The following STK39 variants were observed in gnomAD, a reference collection of about 807,000 sequenced individuals.
STK39 encodes STE20/SPS1-related proline-alanine-rich protein kinase.
STK39 carries 20 observed loss-of-function variants against 77.8 expected under a neutral mutation model. The observed-to-expected ratio is 0.26, with a 90% CI of 0.18 to 0.37. The LOEUF is 0.37. Ranked by LOEUF, STK39 falls within the 10% of genes least tolerant of loss-of-function variation. STK39 has a pLI of 1.00. For synonymous variants in STK39, 246 were observed against 234.1 expected, an observed-to-expected ratio of 1.05 and a Z score of -0.47; for missense variants, 479 against 656.5, an observed-to-expected ratio of 0.73 and a Z score of 2.95.
intron 1 of STK39, among the ~76,000 whole-genome samples, chr2:168,245,010 C>CA (rs1332334769): frequency 6.6e-6 from 1 of 152,138 alleles, no homozygotes; most frequent in African/African-American, 2.4e-5. Flanking sequence ...TTTCAAAAGG[C>CA]AACGTTTGTA....
At chr2:168,143,848 T>C (rs1688060650) in intron 5 of STK39, among the ~76,000 whole-genome samples, 1 of 152,224 alleles carries the variant, frequency 6.6e-6, no homozygotes, top group Non-Finnish European at 1.5e-5. Context: ...ACTTACTTTT[T>C]ATTCCCTGAT....
At chr2:168,247,207 C>CG (rs2045777228) in intron 1 of STK39, 21 bp downstream of exon 1, 7 of 1,195,502 alleles carry the variant, frequency 5.9e-6, no homozygotes, top group Non-Finnish European at 5.2e-6. Context: ...GTGCCGGCCC[C>CG]GCCGCGCCCG....
intron 14 of STK39, among the ~76,000 whole-genome samples, chr2:168,056,344 G>A (rs975139172): frequency 5.9e-5 from 9 of 151,996 alleles, no homozygotes; most frequent in Non-Finnish European, 1.3e-4. Flanking sequence ...CCGGGGGGAG[G>A]GGGAGGGGCG....
intron 16 of STK39, among the ~76,000 whole-genome samples, chr2:167,991,932 G>T (rs1189709990): frequency 2.6e-4 from 40 of 152,196 alleles, no homozygotes; most frequent in Non-Finnish European, 5.6e-4. Flanking sequence ...TCTTTAAAAA[G>T]CTGTAGAGCC....
intron 17 of STK39, among the ~76,000 whole-genome samples, chr2:167,963,744 A>T (rs2105529482): frequency 6.6e-6 from 1 of 152,350 alleles, no homozygotes; most frequent in East Asian, 1.9e-4. Context: ...AGCAAGACCC[A>T]GGAAGTTAAT....
At chr2:168,210,873 CTT>C (rs1335446326) in intron 1 of STK39, among the ~76,000 whole-genome samples, 1 of 152,094 alleles carries the variant, frequency 6.6e-6, no homozygotes, top group African/African-American at 2.4e-5. Flanking sequence ...TTAATCTCCT[CTT>C]TGTTTTCAGC....
At chr2:168,193,307 C>A (rs865803076) in intron 1 of STK39, among the ~76,000 whole-genome samples, 3 of 152,194 alleles carry the variant, frequency 2.0e-5, no homozygotes, top group Non-Finnish European at 2.9e-5. Flanking sequence ...CTTCCCCCCC[C>A]TCTTCACACA....
At chr2:168,077,391 C>T (rs1686108114) in intron 10 of STK39, among the ~76,000 whole-genome samples, 1 of 152,118 alleles carries the variant, frequency 6.6e-6, no homozygotes, top group Non-Finnish European at 1.5e-5. Context: ...CCATTTTCTC[C>T]CATTTTTATT....
rs1277395867 is a variant in STK39, at chr2:168,095,680, G to A, written c.1090-20449C>T. Reference sequence around the variant, plus strand: ...CTTGCTCTGTCGCCCAGGCTGGAGTGCAGTGGCGCGATCTCAGCTCACTGC... The same window carrying A: ...CTTGCTCTGTCGCCCAGGCTGGAGTACAGTGGCGCGATCTCAGCTCACTGC... On this transcript the variant is annotated intron_variant, in intron 10 of 17. Transcript: ENST00000355999. Among the ~76,000 whole-genome samples the A allele has an allele frequency of 2.1e-5, 3 of 141,692 alleles. No individual in the cohort carries two copies. The Admixed American group carries it at 2.2e-4, about 11-fold the overall frequency. The allele number at this position is 141,692 out of a possible 152,430, so 93.0% of individuals were successfully genotyped here. A position where few individuals can be genotyped will look rare whatever the true frequency, so the allele number is the denominator to read the frequency against.
intron 10 of STK39, among the ~76,000 whole-genome samples, chr2:168,093,172 T>A (rs1686571011): frequency 6.6e-6 from 1 of 152,222 alleles, no homozygotes; most frequent in Non-Finnish European, 1.5e-5. Flanking sequence ...AGCTTTTCCA[T>A]AAAGCTCTCC....
At chr2:168,102,929 C>CAA (rs35442749) in intron 10 of STK39, among the ~76,000 whole-genome samples, 613 of 50,028 alleles carry the variant, frequency 0.012, 31 homozygotes, top group African/African-American at 0.034. Flanking sequence ...GAATCCGTCT[C>CAA]AAAAAAAAAA....
intron 16 of STK39, among the ~76,000 whole-genome samples, chr2:167,970,525 T>C (rs1178908656): frequency 6.6e-6 from 1 of 152,218 alleles, no homozygotes; most frequent in Admixed American, 6.5e-5. Flanking sequence ...GAACCCCAAA[T>C]TGAGACTCTC....
chr2:168,102,369 G>A (rs2105453242), intron 10 of STK39, among the ~76,000 whole-genome samples: 1 of 152,182 alleles, frequency 6.6e-6, no homozygotes, highest in African/African-American at 2.4e-5. Context: ...GTAGTATCCT[G>A]TTGTGATTTT....
chr2:168,096,611 C>T (rs1686673793), intron 10 of STK39, among the ~76,000 whole-genome samples: 1 of 152,176 alleles, frequency 6.6e-6, no homozygotes, highest in African/African-American at 2.4e-5. Context: ...TAAGAACCTG[C>T]TGTGGACCTA....
chr2:168,199,866 T>C (rs373817876), intron 1 of STK39, among the ~76,000 whole-genome samples: 6 of 152,268 alleles, frequency 3.9e-5, no homozygotes, highest in East Asian at 1.9e-4. Flanking sequence ...AAGGCTTACA[T>C]TGAAAAAAGA....
intron 1 of STK39, among the ~76,000 whole-genome samples, chr2:168,184,667 T>C (rs971627140): frequency 6.6e-6 from 1 of 152,194 alleles, no homozygotes; most frequent in Non-Finnish European, 1.5e-5. Flanking sequence ...ACCAGGTTGG[T>C]GTTTTTTCAA....
intron 1 of STK39, among the ~76,000 whole-genome samples, chr2:168,199,639 C>T (rs1689563167): frequency 6.6e-6 from 1 of 151,714 alleles, no homozygotes; most frequent in Non-Finnish European, 1.5e-5. Flanking sequence ...GCGATTCTGC[C>T]GAGTAGCTGG....
At chr2:168,234,159 T>C (rs972502031) in intron 1 of STK39, among the ~76,000 whole-genome samples, 6 of 152,356 alleles carry the variant, frequency 3.9e-5, no homozygotes, top group African/African-American at 1.4e-4. Flanking sequence ...GGCCTCACAC[T>C]ACTTACAGCC....
intron 9 of STK39, 23 bp from the exon 10 acceptor site, chr2:168,129,629 A>C (rs199610958): frequency 2.4e-5 from 38 of 1,613,926 alleles, no homozygotes; most frequent in Non-Finnish European, 3.1e-5. Flanking sequence ...TATTCCCAAC[A>C]GTTTAACATC....
Sources: allele counts gnomAD v4.1 joint callset (sites outside exome capture counted in the v4.1 genomes callset), GRCh38; gene constraint gnomAD v4.1.1; transcripts MANE v1.5; gene names NCBI Gene and HGNC (gene_info 2026-07-23, HGNC 2026-07-21).